The following DCAF6 variants were observed in gnomAD, a reference collection of about 807,000 sequenced individuals.
DCAF6 encodes DDB1 and CUL4 associated factor 6.
Under a neutral mutation model 125.1 loss-of-function variants are expected in DCAF6, and 54 were observed. The observed-to-expected ratio is 0.43, with a 90% CI of 0.35 to 0.54. DCAF6 has a LOEUF of 0.54. Ranked by LOEUF, DCAF6 falls within the 20% of genes least tolerant of loss-of-function variation. The pLI is 0.01. For synonymous variants in DCAF6, 371 were observed against 390.4 expected (o/e 0.95, Z 0.58); for missense variants, 934 against 1,161.7 (o/e 0.80, Z 2.85).
chr1:168,010,092 T>C (rs752566899), intron 10 of DCAF6, among the ~76,000 whole-genome samples: 10 of 152,202 alleles, frequency 6.6e-5, no homozygotes, highest in Non-Finnish European at 1.3e-4. Flanking sequence ...CAAAATTTGG[T>C]AACACCTAGA....
intron 10 of DCAF6, among the ~76,000 whole-genome samples, chr1:168,008,511 C>T (rs1213032851): frequency 6.6e-6 from 1 of 152,118 alleles, no homozygotes; most frequent in African/African-American, 2.4e-5. Context: ...CCTAATTAAT[C>T]TGCCTGTACC....
At chr1:168,053,186 A>G (rs1432030977) in intron 17 of DCAF6, among the ~76,000 whole-genome samples, 1 of 152,106 alleles carries the variant, frequency 6.6e-6, no homozygotes, top group Non-Finnish European at 1.5e-5. Flanking sequence ...AATCAAAAAT[A>G]TGGGCCCTTA....
chr1:167,987,608 T>C lies in DCAF6; in HGVS notation c.552T>C (p.Asp184=), dbSNP rs1362201415. The change falls in exon 5 of 22, where the codon GAT becomes GAC. Residue 184 remains aspartate (D), a splice_region_variant and synonymous_variant. Transcript: ENST00000367840. Reference sequence around the variant, plus strand: ...GCTGCACAAAAGAAGATTGTAAAGATGTAAGAATTAAATTTTTATACAAAT... The same window carrying C: ...GCTGCACAAAAGAAGATTGTAAAGACGTAAGAATTAAATTTTTATACAAAT... The part of the protein sequence containing the change: ...KTSCTKEDCK[D]DILINCRRAA... 3 of 1,505,940 alleles carry C rather than the reference T, an allele frequency of 2.0e-6. No individual in the cohort carries two copies. The highest frequency in any genetic ancestry group is 2.8e-6 in the Non-Finnish European group (3 of 1,085,544). The allele number at this position is 1,505,940 out of a possible 1,614,324, so 93.3% of individuals were successfully genotyped here.
At chr1:167,893,961 G>A in the DCAF6 span, 1 of 1,595,066 alleles carries the variant, frequency 6.3e-7, no homozygotes, top group Non-Finnish European at 8.6e-7. Context: ...CAGAAGGAGG[G>A]TGCAGGCTCA....
intron 2 of DCAF6, among the ~76,000 whole-genome samples, chr1:167,957,005 C>A (rs1674884781): frequency 6.6e-6 from 1 of 151,998 alleles, no homozygotes; most frequent in African/African-American, 2.4e-5. Flanking sequence ...GTTTCTTGTA[C>A]ACTTAAAAAA....
intron 5 of DCAF6, among the ~76,000 whole-genome samples, chr1:167,990,003 A>G (rs902683886): frequency 6.6e-6 from 1 of 152,180 alleles, no homozygotes; most frequent in African/African-American, 2.4e-5. Flanking sequence ...AAGTAATAAC[A>G]TTATAGTAAG....
chr1:168,000,104 T>C (rs1682360549), intron 7 of DCAF6, among the ~76,000 whole-genome samples: 1 of 152,090 alleles, frequency 6.6e-6, no homozygotes, highest in Admixed American at 6.6e-5. Flanking sequence ...TTCAATATTA[T>C]TGTTGTGTCT....
At chr1:167,865,743 T>A in the DCAF6 span, among the ~76,000 whole-genome samples, 1 of 152,244 alleles carries the variant, frequency 6.6e-6, no homozygotes, top group East Asian at 1.9e-4. Context: ...AATGCCTGGT[T>A]GAAATGGATC....
At chr1:168,027,474 A>G (rs1006989605) in intron 12 of DCAF6, among the ~76,000 whole-genome samples, 1 of 152,168 alleles carries the variant, frequency 6.6e-6, no homozygotes, top group African/African-American at 2.4e-5. Context: ...CTATTTGAAT[A>G]TATCTCTGAC....
chr1:167,896,693 T>C, the DCAF6 span: 1 of 1,583,520 alleles, frequency 6.3e-7, no homozygotes, highest in Non-Finnish European at 8.7e-7. Context: ...GAAGTTAACC[T>C]AAATAAAAGC....
intron 21 of DCAF6, among the ~76,000 whole-genome samples, chr1:168,072,842 G>A (rs1051035473): frequency 6.6e-6 from 1 of 152,022 alleles, no homozygotes; most frequent in African/African-American, 2.4e-5. Flanking sequence ...AGCAAACTCA[G>A]TGTCTCTTCA....
the DCAF6 span, among the ~76,000 whole-genome samples, chr1:167,874,093 A>T: frequency 2.0e-5 from 3 of 152,172 alleles, no homozygotes; most frequent in African/African-American, 7.2e-5. Context: ...GCACTTTGGG[A>T]GGCTGGGGCA....
At chr1:167,868,516 A>G in the DCAF6 span, among the ~76,000 whole-genome samples, 8,349 of 152,170 alleles carry the variant, frequency 0.055, 684 homozygotes, top group African/African-American at 0.18. Flanking sequence ...TAAATTTCCA[A>G]AGTTGCAGAC....
intron 5 of DCAF6, among the ~76,000 whole-genome samples, chr1:167,990,204 A>AT (rs1017982528): frequency 3.3e-5 from 5 of 151,952 alleles, no homozygotes; most frequent in Admixed American, 6.6e-5. Flanking sequence ...TTTGTACAAA[A>AT]TTTTTTTTAA....
At chr1:167,980,578 T>G (rs184467210) in intron 4 of DCAF6, among the ~76,000 whole-genome samples, 5 of 152,198 alleles carry the variant, frequency 3.3e-5, no homozygotes, top group Admixed American at 6.5e-5. Context: ...AAGTTGAGCT[T>G]CTTTTCATAT....
chr1:168,036,573 G>GTTC (rs1687836374), intron 12 of DCAF6, among the ~76,000 whole-genome samples: 2 of 152,308 alleles, frequency 1.3e-5, no homozygotes, highest in South Asian at 4.1e-4. Flanking sequence ...AGACAGCAGT[G>GTTC]ATGAAACAAA....
chr1:167,960,600 A>AAGTT (rs1675436114), intron 2 of DCAF6, among the ~76,000 whole-genome samples: 1 of 152,000 alleles, frequency 6.6e-6, no homozygotes, highest in Non-Finnish European at 1.5e-5. Context: ...GTAAGTCTTG[A>AAGTT]AGTTGGGTAG....
chr1:168,032,964 C>T (rs1221764140), intron 12 of DCAF6, among the ~76,000 whole-genome samples: 2 of 151,954 alleles, frequency 1.3e-5, no homozygotes, highest in African/African-American at 4.8e-5. Context: ...ATATTTAGAT[C>T]TATACCAACA....
chr1:168,016,152 A>C (rs1055298297), intron 11 of DCAF6, among the ~76,000 whole-genome samples: 1 of 152,232 alleles, frequency 6.6e-6, no homozygotes, highest in Non-Finnish European at 1.5e-5. Flanking sequence ...AGAGAGGTGA[A>C]TATAAAATAA....
Sources: gnomAD v4.1 joint callset for allele counts (sites outside exome capture counted in the v4.1 genomes callset) on GRCh38, gnomAD v4.1.1 for gene constraint, MANE v1.5 for transcripts, NCBI Gene and HGNC (gene_info 2026-07-23, HGNC 2026-07-21) for gene names.